PI16: variants seen among roughly 807,000 people sequenced by gnomAD.
The protein encoded by PI16 is PSP94-binding protein.
A neutral mutation model predicts 38.0 loss-of-function variants in PI16; 35 were observed. The ratio of observed to expected loss-of-function variants is 0.92; its 90% CI spans 0.70 to 1.22. The LOEUF is 1.22. Among genes scored for constraint, PI16 ranks in the 50% most tolerant of loss-of-function variants. The pLI is 0.00. For missense variants in PI16, 572 were observed against 593.8 expected (o/e 0.96, Z 0.38); for synonymous variants, 275 against 252.9 (o/e 1.09, Z -0.83).
At chr6:36,956,933 T>A (rs1460034831) in intron 1 of PI16, among the ~76,000 whole-genome samples, 1 of 152,156 alleles carries the variant, frequency 6.6e-6, no homozygotes, top group Non-Finnish European at 1.5e-5. Flanking sequence ...CCCCGAAGGT[T>A]CAATTGTCCT....
At chr6:36,953,186 A>T (rs538579081), upstream of PI16, among the ~76,000 whole-genome samples, 15 of 152,116 alleles carry the variant, frequency 9.9e-5, no homozygotes, top group African/African-American at 3.6e-4. Flanking sequence ...GCATGGTAGC[A>T]GCTATGGTGG....
Position 36,959,163 on chromosome 6 carries a change from G to C in PI16, c.190G>C (p.Ala64Pro), listed in dbSNP as rs895565449. 1 of 1,609,312 alleles carries C rather than the reference G, an allele frequency of 6.2e-7. No individual in the cohort carries two copies. The highest frequency in any genetic ancestry group is 1.1e-5 in the South Asian group (1 of 90,194). Reference protein sequence around the residue: ...MLHMRWDEELAAFAKAYARQC... With the variant: ...MLHMRWDEELPAFAKAYARQC... ...CCTGCAGAGATGGGACGAGGAGCTG[G>C]CCGCCTTCGCCAAGGCCTACGCACG... Residue 64 changes from alanine (A) to proline (P), a missense_variant, in exon 2 of 7, where the codon GCC (alanine) becomes CCC (proline). Physicochemically the swap from Ala to Pro is conservative, Grantham distance 27. Coordinates refer to ENST00000373674, the MANE Select transcript of PI16 (RefSeq NM_153370.3).
chr6:36,960,277 C>T (rs867770519), intron 2 of PI16, among the ~76,000 whole-genome samples: 3 of 151,268 alleles, frequency 2.0e-5, no homozygotes, highest in Admixed American at 6.6e-5. Context: ...ACACTTTGCT[C>T]CTGTCTGGGT....
intron 2 of PI16, among the ~76,000 whole-genome samples, chr6:36,960,756 A>G (rs769334316): frequency 1.3e-5 from 2 of 151,514 alleles, no homozygotes; most frequent in South Asian, 4.2e-4. Flanking sequence ...CTGAGGGTGC[A>G]TGCACTCTGG....
rs1467437799 is a variant in PI16, at chr6:36,961,552, T to C, written c.495T>C (p.Tyr165=). 1 of 1,613,912 alleles carries C rather than the reference T, an allele frequency of 6.2e-7. No homozygotes were observed. Among genetic ancestry groups the C allele is most frequent in the Non-Finnish European group, 8.5e-7 (1 of 1,179,806 alleles). ...ACATCGAATTACTGGTGTGCAACTATGAGCCTCCGTGAGTGCCGGGGGGAA... is the reference window on the plus strand; with the variant it reads ...ACATCGAATTACTGGTGTGCAACTACGAGCCTCCGTGAGTGCCGGGGGGAA... ...ETNIELLVCN[Y]EPPGNVKGKR... The change falls in exon 3 of 7, where the codon TAT becomes TAC. Residue 165 remains tyrosine, a synonymous_variant. Transcript: ENST00000373674.
Position 36,959,184 on chromosome 6 carries a change from G to C in PI16, c.211G>C (p.Ala71Pro). The C allele has an allele frequency of 6.2e-7, 1 of 1,611,018 alleles. No homozygotes were observed. The highest frequency in any genetic ancestry group is 8.5e-7 in the Non-Finnish European group (1 of 1,179,248). The change falls in exon 2 of 7, where the codon GCA (alanine) becomes CCA (proline). Residue 71 changes from alanine (A) to proline (P), a missense_variant. Physicochemically the swap from Ala to Pro is conservative, Grantham distance 27. Coordinates refer to ENST00000373674, the MANE Select transcript of PI16 (RefSeq NM_153370.3). ...GCTGGCCGCCTTCGCCAAGGCCTACGCACGGCAGTGCGTGTGGGGCCACAA... is the reference window on the plus strand; with the variant it reads ...GCTGGCCGCCTTCGCCAAGGCCTACCCACGGCAGTGCGTGTGGGGCCACAA... ...EELAAFAKAYARQCVWGHNKE... is the reference protein window; with the variant it reads ...EELAAFAKAYPRQCVWGHNKE...
Position 36,963,001 on chromosome 6 carries a change from G to T in PI16, c.659G>T (p.Arg220Leu). The T allele has an allele frequency of 6.2e-7, 1 of 1,614,188 alleles. No individual in the cohort carries two copies. Among genetic ancestry groups the T allele is most frequent in the Non-Finnish European group, 8.5e-7 (1 of 1,180,036 alleles). Residue 220 changes from arginine (R) to leucine (L), a missense_variant, in exon 5 of 7, where the codon CGG becomes CTG. Arg to Leu is a moderately radical substitution (Grantham distance 102). Transcript: ENST00000373674. Reference protein sequence around the residue: ...PYLVTEAPSFRATEASDSRKM... With the variant: ...PYLVTEAPSFLATEASDSRKM... Reference sequence around the variant, plus strand: ...CTGGTAACTGAGGCCCCATCCTTCCGGGCGACTGAAGCATCAGACTCTAGG... The same window carrying T: ...CTGGTAACTGAGGCCCCATCCTTCCTGGCGACTGAAGCATCAGACTCTAGG...
At chr6:36,949,130 CCTCT>C (rs1763061721) in intron 1 of PI16, among the ~76,000 whole-genome samples, 2 of 147,934 alleles carry the variant, frequency 1.4e-5, no homozygotes, top group Non-Finnish European at 3.0e-5. Flanking sequence ...TCTCTCTCTT[CCTCT>C]CTTTCTTTCT....
chr6:36,962,987 G>C lies in PI16; in HGVS notation c.645G>C (p.Glu215Asp). Residue 215 changes from glutamate (E) to aspartate (D), a missense_variant, in exon 5 of 7, where the codon GAG (glutamate) becomes GAC (aspartate). Physicochemically the swap from Glu to Asp is conservative, Grantham distance 45 (BLOSUM62 2). Coordinates refer to ENST00000373674, the MANE Select transcript of PI16 (RefSeq NM_153370.3). The surrounding 1 kb of genome is among the most constrained non-coding windows in gnomAD (Gnocchi z 4.1). ...AGGATTTGCCTTACCTGGTAACTGA[G>C]GCCCCATCCTTCCGGGCGACTGAAG... ...DAQDLPYLVTEAPSFRATEAS... is the reference protein window; with the variant it reads ...DAQDLPYLVTDAPSFRATEAS... The C allele has an allele frequency of 6.2e-7, 1 of 1,614,176 alleles. No homozygotes were observed. Among genetic ancestry groups the C allele is most frequent in the Admixed American group, 1.7e-5 (1 of 60,024 alleles).
rs535616461 is a variant in PI16, at chr6:36,963,121, T to C, written c.779T>C (p.Val260Ala). 6.2e-7 allele frequency: 1 copy of C among 1,614,208 alleles called. No individual in the cohort carries two copies. The highest frequency in any genetic ancestry group is 1.1e-5 in the South Asian group (1 of 91,086). The change falls in exon 5 of 7, where the codon GTG becomes GCG. Residue 260 changes from valine (V) to alanine (A), a missense_variant. By Grantham distance (64) the Val-to-Ala change is moderately conservative. Coordinates refer to ENST00000373674, the MANE Select transcript of PI16 (RefSeq NM_153370.3). ...CTGGCAACCAAGGCTCTGCCTGCTG[T>C]GGAAACCCAGGCCCCAACTTCCTTA... ...GSLATKALPA[V>A]ETQAPTSLAT...
At position 36,959,302 on chromosome 6, in the gene PI16, G is replaced by A; in HGVS notation, c.329G>A (p.Arg110His). ...PLAMEEWHHE[R>H]EHYNLSAATC... Reference sequence around the variant, plus strand: ...GCCATGGAGGAGTGGCACCACGAGCGTGAGCACTACAACCTCAGCGCCGCC... The same window carrying A: ...GCCATGGAGGAGTGGCACCACGAGCATGAGCACTACAACCTCAGCGCCGCC... Residue 110 changes from arginine to histidine, a missense_variant, in exon 2 of 7, where the codon CGT becomes CAT. Transcript: ENST00000373674. The A allele has an allele frequency of 6.3e-7, 1 of 1,589,524 alleles. No individual in the cohort carries two copies. The highest frequency in any genetic ancestry group is 2.3e-5 in the East Asian group (1 of 43,642).
At chr6:36,950,164 C>T (rs2150732179), upstream of PI16, among the ~76,000 whole-genome samples, 1 of 152,286 alleles carries the variant, frequency 6.6e-6, no homozygotes, top group Middle Eastern at 3.4e-3. The surrounding 1 kb of genome is among the most constrained non-coding windows in gnomAD (Gnocchi z 4.2). Context: ...CCAAACCAAA[C>T]CTCTACACCA....
intron 1 of PI16, among the ~76,000 whole-genome samples, chr6:36,958,799 G>A (rs1763270489): frequency 6.6e-6 from 1 of 152,140 alleles, no homozygotes; most frequent in Non-Finnish European, 1.5e-5. Flanking sequence ...AGGACTGGGA[G>A]GTAGGCAGGG....
exon 1 of PI16, chr6:36,948,376 A>G (rs1038564779): frequency 6.6e-6 from 1 of 152,224 alleles, no homozygotes; most frequent in Non-Finnish European, 1.5e-5. Context: ...GTGTCCTTCC[A>G]TTCCTGAGTC....
chr6:36,959,358 T>C lies in PI16; in HGVS notation c.385T>C (p.Tyr129His), dbSNP rs1583234241. ...TCSPGQMCGH[Y>H]TQVVWAKTER... ...CAGCCCAGGCCAGATGTGCGGCCACTACACGCAGGTGTGGGCCCGGCGGGC... is the reference window on the plus strand; with the variant it reads ...CAGCCCAGGCCAGATGTGCGGCCACCACACGCAGGTGTGGGCCCGGCGGGC... The change falls in exon 2 of 7, where the codon TAC (tyrosine) becomes CAC (histidine). Residue 129 changes from tyrosine (Y) to histidine (H), a missense_variant. Transcript: ENST00000373674. 6.4e-7 allele frequency: 1 copy of C among 1,555,406 alleles called. No homozygotes were observed.
At chr6:36,957,018 A>G (rs1045023102) in intron 1 of PI16, among the ~76,000 whole-genome samples, 4 of 152,018 alleles carry the variant, frequency 2.6e-5, no homozygotes, top group South Asian at 2.1e-4. Flanking sequence ...ATTCTTCCAC[A>G]CAAGGACTCC....
upstream of PI16, among the ~76,000 whole-genome samples, chr6:36,952,604 T>C (rs531334452): frequency 1.6e-3 from 241 of 152,350 alleles, 1 homozygote; most frequent in African/African-American, 5.6e-3. Flanking sequence ...CTAAAATCAT[T>C]TGACCATATG....
At chr6:36,949,417 C>T (rs953792178) in intron 1 of PI16, among the ~76,000 whole-genome samples, 5 of 152,174 alleles carry the variant, frequency 3.3e-5, no homozygotes, top group Non-Finnish European at 4.4e-5. Context: ...CCACCGCGCC[C>T]GGTCACTAAG....
chr6:36,963,173 A>T lies in PI16; in HGVS notation c.831A>T (p.Ala277=). 1 of 1,614,246 alleles carries T rather than the reference A, an allele frequency of 6.2e-7. No homozygotes were observed. The highest frequency in any genetic ancestry group is 1.1e-5 in the South Asian group (1 of 91,090). Residue 277 remains alanine, a synonymous_variant, in exon 5 of 7, where the codon GCA becomes GCT. Transcript: ENST00000373674. ...CAACGAAAGACCCGCCCTCCATGGC[A>T]ACAGAGGCTCCACCTTGCGTAACAA... ...SLATKDPPSM[A]TEAPPCVTTE...
Sources: gnomAD v4.1 joint callset for allele counts (sites outside exome capture counted in the v4.1 genomes callset) on GRCh38, gnomAD v4.1.1 for gene constraint, Gnocchi (gnomAD v3.1) non-coding constraint, MANE v1.5 for transcripts, NCBI Gene and HGNC (gene_info 2026-07-23, HGNC 2026-07-21) for gene names.